The following USP13 variants were observed in gnomAD, a reference collection of about 807,000 sequenced individuals.
The protein encoded by USP13 is ubiquitin carboxyl-terminal hydrolase 13.
USP13 carries 68 observed loss-of-function variants against 107.8 expected under a neutral mutation model. The ratio of observed to expected loss-of-function variants is 0.63; its 90% confidence interval spans 0.52 to 0.77. USP13 has a LOEUF of 0.77. Ranked by LOEUF, USP13 falls within the 30% of genes least tolerant of loss-of-function variation. The pLI, the probability that USP13 is intolerant of heterozygous loss-of-function variation, is 0.00. For missense variants in USP13, 945 were observed against 1,093.3 expected (o/e 0.86, Z 1.91); for synonymous variants, 377 against 389.5 (o/e 0.97, Z 0.38).
Position 179,742,369 on chromosome 3 carries a change from G to A in USP13, c.1534+19G>A. 1 of 1,614,028 alleles carries A rather than the reference G, an allele frequency of 6.2e-7. No individual in the cohort carries two copies. Among genetic ancestry groups the A allele is most frequent in the Non-Finnish European group, 8.5e-7 (1 of 1,179,918 alleles). Reference sequence around the variant, plus strand: ...AACAAGGGTAACAATTCCAAAGCGGGAAATTGGTACTGTGTGTCTTCATAT... The same window carrying A: ...AACAAGGGTAACAATTCCAAAGCGGAAAATTGGTACTGTGTGTCTTCATAT... On this transcript the variant is annotated intron_variant, in intron 12 of 20. Coordinates refer to ENST00000263966, the MANE Select transcript of USP13 (RefSeq NM_003940.3). This position sits in a 1 kb window ranked among gnomAD's most constrained non-coding sequence, Gnocchi z 5.0.
chr3:179,685,281 A>AT lies in USP13; in HGVS notation c.294+3282dup, dbSNP rs557049681. ...AAATATTGTTAATTAATAAATGTTGATTTTATATTTAGCAATGCTGTTCAA... is the reference window on the plus strand; with the variant it reads ...AAATATTGTTAATTAATAAATGTTGATTTTTATATTTAGCAATGCTGTTCAA... On this transcript the variant is annotated intron_variant, in intron 2 of 20. Transcript: ENST00000263966. Among the ~76,000 whole-genome samples, 284 of 151,634 alleles carry AT rather than the reference A, an allele frequency of 1.9e-3. 2 individuals are homozygous for AT. The highest frequency in any genetic ancestry group is 6.6e-3 in the African/African-American group (273 of 41,320).
intron 1 of USP13, among the ~76,000 whole-genome samples, chr3:179,658,434 C>G (rs980884898): frequency 6.7e-6 from 1 of 148,380 alleles, no homozygotes; most frequent in Non-Finnish European, 1.5e-5. Context: ...TGTGCTAATT[C>G]TGCCCCCCTC....
At chr3:179,681,800 T>C (rs1431933857) in intron 1 of USP13, 78 bp from the exon 2 acceptor site, 3 of 1,517,712 alleles carry the variant, frequency 2.0e-6, no homozygotes, top group Non-Finnish European at 2.7e-6. Context: ...GCGTTTGCCT[T>C]CCTTCCCTTT....
chr3:179,776,513 C>T (rs1715544708), intron 19 of USP13, among the ~76,000 whole-genome samples: 1 of 152,122 alleles, frequency 6.6e-6, no homozygotes, highest in Admixed American at 6.5e-5. Context: ...AAAAAATCTT[C>T]TTCTTAGCAA....
At chr3:179,694,869 C>T (rs1294774937) in intron 3 of USP13, among the ~76,000 whole-genome samples, 1 of 150,576 alleles carries the variant, frequency 6.6e-6, no homozygotes, top group Non-Finnish European at 1.5e-5. Context: ...ATAGTCTAAT[C>T]TCCCAGCAGA....
rs1715903929 is a variant in USP13, at chr3:179,785,893, CTCTT to C, written c.*1755_*1758del. The C allele has an allele frequency of 6.6e-6, 1 of 152,322 alleles. No individual in the cohort carries two copies. Among genetic ancestry groups the C allele is most frequent in the Admixed American group, 6.5e-5 (1 of 15,286 alleles). The allele number at this position is 152,322 out of a possible 1,614,324, so 9.4% of individuals were successfully genotyped here. On this transcript the variant is annotated 3_prime_UTR_variant, in exon 21 of 21. Coordinates refer to ENST00000263966, the MANE Select transcript of USP13 (RefSeq NM_003940.3). ...ACAATGGTATGATGACACCTGCCCT[CTCTT>C]TCAATCATGCTTTGAGGATACAGTG... is the stretch of plus-strand genomic sequence containing the variant.
intron 4 of USP13, 145 bp downstream of exon 4, chr3:179,701,274 G>C: frequency 9.3e-7 from 1 of 1,076,856 alleles, no homozygotes; most frequent in South Asian, 1.8e-5. Context: ...GCATGAACAC[G>C]CACATACCTC....
intron 8 of USP13, among the ~76,000 whole-genome samples, chr3:179,728,167 C>T (rs1406229094): frequency 6.9e-6 from 1 of 144,042 alleles, no homozygotes; most frequent in Non-Finnish European, 1.6e-5. Flanking sequence ...GCGCCCCTCA[C>T]CTCCCGGACG....
At chr3:179,703,631 T>G (rs910405803) in intron 4 of USP13, among the ~76,000 whole-genome samples, 60 of 152,204 alleles carry the variant, frequency 3.9e-4, no homozygotes, top group African/African-American at 1.4e-3. Flanking sequence ...GTCTGCTGAT[T>G]CCATGGTGTA....
chr3:179,757,233 T>G (rs1344359909), intron 16 of USP13, 155 bp downstream of exon 16: 3 of 777,860 alleles, frequency 3.9e-6, no homozygotes, highest in Admixed American at 2.4e-5. Flanking sequence ...GTCAGTGACA[T>G]GCTGATCAGG....
At chr3:179,710,288 T>C (rs1712875873) in intron 6 of USP13, among the ~76,000 whole-genome samples, 1 of 152,214 alleles carries the variant, frequency 6.6e-6, no homozygotes, top group Non-Finnish European at 1.5e-5. Context: ...GGGTGTTGAA[T>C]GACTTTTCTC....
intron 6 of USP13, among the ~76,000 whole-genome samples, chr3:179,713,372 G>A (rs955541718): frequency 6.6e-6 from 1 of 152,188 alleles, no homozygotes; most frequent in Middle Eastern, 3.4e-3. Context: ...TTCTATTTTG[G>A]TTTCCTTTAA....
rs1336591267 is a variant in USP13, at chr3:179,787,093, C to T, written c.*2952C>T. The T allele has an allele frequency of 3.9e-5, 6 of 152,300 alleles. No homozygotes were observed. The highest frequency in any genetic ancestry group is 3.9e-4 in the East Asian group (2 of 5,186). 9.4% of individuals were successfully genotyped at this position (152,300 alleles called of 1,614,324 possible). On this transcript the variant is annotated 3_prime_UTR_variant, in exon 21 of 21. Coordinates refer to ENST00000263966, the MANE Select transcript of USP13 (RefSeq NM_003940.3). The stretch of plus-strand genomic sequence containing the variant: ...ATGTGTTAGTGACACTTTACATCAA[C>T]GTTGCTTCAATATTTTGGAATTGAC...
chr3:179,669,265 A>G (rs1720675228), intron 1 of USP13, among the ~76,000 whole-genome samples: 2 of 152,188 alleles, frequency 1.3e-5, no homozygotes, highest in Non-Finnish European at 2.9e-5. Flanking sequence ...GTTTGAGACC[A>G]GCCTAGCCAA....
At chr3:179,668,477 A>C (rs1201043256) in intron 1 of USP13, among the ~76,000 whole-genome samples, 2 of 152,234 alleles carry the variant, frequency 1.3e-5, no homozygotes, top group African/African-American at 2.4e-5. Context: ...TGGATTTTGC[A>C]ACTATTGTAT....
At chr3:179,699,689 C>T (rs1230192705) in intron 3 of USP13, among the ~76,000 whole-genome samples, 1 of 101,110 alleles carries the variant, frequency 9.9e-6, no homozygotes, top group Non-Finnish European at 2.1e-5. Flanking sequence ...AACAGAGTGA[C>T]ACCCTGCCTC....
At chr3:179,773,501 T>G (rs1715403650) in intron 19 of USP13, among the ~76,000 whole-genome samples, 1 of 152,208 alleles carries the variant, frequency 6.6e-6, no homozygotes, top group African/African-American at 2.4e-5. Context: ...AAAATTAAAT[T>G]CATTTAAAGA....
In USP13 at chr3:179,765,817, C is replaced by T. The variant is rs1257563739; in HGVS notation, c.2382C>T (p.Pro794=). The change falls in exon 19 of 21, where the codon CCC becomes CCT. Residue 794 remains proline (P), a synonymous_variant. Coordinates refer to ENST00000263966, the MANE Select transcript of USP13 (RefSeq NM_003940.3). ...ANANIISEAK[P]EGPRVKDGSG... ...CAAACATTATTTCTGAGGCCAAGCC[C>T]GAAGGACCTAGAGTCAAGGATGGAT... 3.7e-6 allele frequency: 6 copies of T among 1,614,042 alleles called. No individual in the cohort carries two copies. The highest frequency in any genetic ancestry group is 1.6e-4 in the Middle Eastern group (1 of 6,062).
At chr3:179,745,309 G>A in intron 13 of USP13, 92 bp downstream of exon 13, 1 of 1,456,024 alleles carries the variant, frequency 6.9e-7, no homozygotes, top group Non-Finnish European at 9.3e-7. Context: ...TGTTATTTGT[G>A]TCTGTGTGTG....
Sources: gnomAD v4.1 joint callset for allele counts (sites outside exome capture counted in the v4.1 genomes callset) on GRCh38, gnomAD v4.1.1 for gene constraint, Gnocchi (gnomAD v3.1) non-coding constraint, MANE v1.5 for transcripts, NCBI Gene and HGNC (gene_info 2026-07-23, HGNC 2026-07-21) for gene names.